RFC2: variants seen among roughly 807,000 people sequenced by gnomAD.
The protein encoded by RFC2 is replication factor C subunit 2.
A neutral mutation model predicts 44.8 loss-of-function variants in RFC2; 34 were observed. The ratio of observed to expected loss-of-function variants is 0.76; its 90% CI spans 0.58 to 1.01. The LOEUF (loss-of-function observed/expected upper bound fraction) is 1.01. Ranked by LOEUF, RFC2 falls within the 50% of genes least tolerant of loss-of-function variation. RFC2 has a pLI of 0.00. For synonymous variants in RFC2, 177 were observed against 168.9 expected (o/e 1.05, Z -0.37); for missense variants, 400 against 453.6 (o/e 0.88, Z 1.07).
intron 2 of RFC2, among the ~76,000 whole-genome samples, chr7:74,250,001 A>G (rs1223424470): frequency 1.3e-5 from 2 of 151,754 alleles, no homozygotes; most frequent in Non-Finnish European, 2.9e-5. Flanking sequence ...AAAATAAACA[A>G]AATTAGCCAG....
chr7:74,237,212 C>G, intron 9 of RFC2, 150 bp downstream of exon 9: 1 of 588,360 alleles, frequency 1.7e-6, no homozygotes, highest in Non-Finnish European at 3.2e-6. Context: ...CTCCAAGGCT[C>G]AACAAATCCT....
At chr7:74,249,619 C>T in intron 3 of RFC2, 120 bp downstream of exon 3, 1 of 824,046 alleles carries the variant, frequency 1.2e-6, no homozygotes, top group East Asian at 2.5e-5. Flanking sequence ...AAACACTTCC[C>T]TTTGCCGGGG....
At chr7:74,243,052 C>A (rs1803424709) in intron 6 of RFC2, 94 bp downstream of exon 6, 2 of 816,828 alleles carry the variant, frequency 2.4e-6, no homozygotes, top group African/African-American at 1.7e-5. Flanking sequence ...CCACTGCACT[C>A]CAGCCTGAGC....
chr7:74,250,908 C>A (rs1213361951), intron 2 of RFC2, among the ~76,000 whole-genome samples: 1 of 152,180 alleles, frequency 6.6e-6, no homozygotes, highest in Non-Finnish European at 1.5e-5. Context: ...CCTGCCTCAG[C>A]CTCCTGAGTA....
At chr7:74,243,821 A>C (rs1584255898) in intron 5 of RFC2, among the ~76,000 whole-genome samples, 1 of 151,308 alleles carries the variant, frequency 6.6e-6, no homozygotes, top group East Asian at 2.0e-4. Context: ...AAATACAAAA[A>C]AGCCTGTTTA....
Position 74,244,105 on chromosome 7 carries a change from A to C in RFC2, c.435-859T>G, listed in dbSNP as rs1270002193. On this transcript the variant is annotated intron_variant, in intron 5 of 10. Coordinates refer to ENST00000055077, the MANE Select transcript of RFC2 (RefSeq NM_181471.3). ...AACTCTACTAAAAATACAAAAAAAA[A>C]AAAAAAAAAAAAATTGTCTGGGCGT... Among the ~76,000 whole-genome samples, 6 of 149,504 alleles carry C rather than the reference A, an allele frequency of 4.0e-5. No homozygotes were observed. In the East Asian group the frequency reaches 1.2e-3, roughly 30 times the overall value.
intron 1 of RFC2, among the ~76,000 whole-genome samples, chr7:74,253,163 G>A (rs1188452277): frequency 1.3e-5 from 2 of 152,010 alleles, no homozygotes; most frequent in Non-Finnish European, 2.9e-5. Context: ...ACATCATTTG[G>A]TGTGACAACA....
rs782541319 is a variant in RFC2, at chr7:74,238,994, C to T, written c.694-6G>A. On this transcript the variant is annotated splice_polypyrimidine_tract_variant and splice_region_variant and intron_variant, in intron 7 of 10. Transcript: ENST00000055077. This position sits in a 1 kb window ranked among gnomAD's most constrained non-coding sequence, Gnocchi z 4.0. Reference sequence around the variant, plus strand: ...GACTGCAGGTTGTTCAGCGCCTGTTCAGGAGCAAACACATGTCAAGGATGA... The same window carrying T: ...GACTGCAGGTTGTTCAGCGCCTGTTTAGGAGCAAACACATGTCAAGGATGA... 3.1e-6 allele frequency: 5 copies of T among 1,611,052 alleles called. No individual in the cohort carries two copies. Among genetic ancestry groups the T allele is most frequent in the Non-Finnish European group, 4.2e-6 (5 of 1,177,432 alleles).
In RFC2 at chr7:74,243,176, G is replaced by A; in HGVS notation, c.505C>T (p.Leu169Phe). ...EIYSKTTRFA[L>F]ACNASDKIIE... ...ATCTTATCCGAAGCATTACAAGCAA[G>A]GGCGAAGCGAGTGGTTTTAGAGTAG... Residue 169 changes from leucine to phenylalanine, a missense_variant, in exon 6 of 11, where the codon CTT becomes TTT. Leu to Phe is a conservative substitution (Grantham distance 22, BLOSUM62 0). Transcript: ENST00000055077. 3 of 1,613,684 alleles carry A rather than the reference G, an allele frequency of 1.9e-6. No individual in the cohort carries two copies. Among genetic ancestry groups the A allele is most frequent in the Non-Finnish European group, 2.5e-6 (3 of 1,179,622 alleles).
intron 1 of RFC2, chr7:74,253,733 T>G (rs1584271123): frequency 1.3e-5 from 2 of 153,544 alleles, no homozygotes; most frequent in Admixed American, 1.3e-4. Context: ...AAAAAAAAAT[T>G]AACTGGGCAT....
chr7:74,252,416 A>AG lies in RFC2; in HGVS notation c.183+12_183+13insC, dbSNP rs1353512737. 2 of 1,537,948 alleles carry AG rather than the reference A, an allele frequency of 1.3e-6. No individual in the cohort carries two copies. Among genetic ancestry groups the AG allele is most frequent in the East Asian group, 2.2e-5 (1 of 44,476 alleles). On this transcript the variant is annotated intron_variant, in intron 2 of 10. Coordinates refer to ENST00000055077, the MANE Select transcript of RFC2 (RefSeq NM_181471.3). The stretch of plus-strand genomic sequence containing the variant: ...AGCGAGACTCTGTCTCAAAAAAAAA[A>AG]AAAGCCACTCACCTCTAGCCTGCTC...
chr7:74,244,946 T>G (rs1050300697), intron 5 of RFC2, among the ~76,000 whole-genome samples: 1 of 151,920 alleles, frequency 6.6e-6, no homozygotes, highest in African/African-American at 2.4e-5. Context: ...CTGAGTGATA[T>G]AGTGAGACCC....
At chr7:74,245,034 T>C (rs1803521657) in intron 5 of RFC2, among the ~76,000 whole-genome samples, 1 of 151,760 alleles carries the variant, frequency 6.6e-6, no homozygotes, top group Non-Finnish European at 1.5e-5. Flanking sequence ...TTTCAATTTT[T>C]TTTTTTTTTT....
At chr7:74,232,980 T>A (rs1802809499) in intron 10 of RFC2, among the ~76,000 whole-genome samples, 1 of 152,022 alleles carries the variant, frequency 6.6e-6, no homozygotes, top group Non-Finnish European at 1.5e-5. Flanking sequence ...TCTGGGAGGC[T>A]GAGGCAGGAG....
chr7:74,246,960 CAAAGA>C (rs1803649080), intron 4 of RFC2, among the ~76,000 whole-genome samples, 197 bp from the exon 5 acceptor site: 1 of 149,202 alleles, frequency 6.7e-6, no homozygotes, highest in African/African-American at 2.5e-5. Context: ...TTTCAAAGAA[CAAAGA>C]AAATATACAC....
chr7:74,238,959 T>C lies in RFC2; in HGVS notation c.723A>G (p.Ser241=). 6.2e-7 allele frequency: 1 copy of C among 1,613,890 alleles called. No individual in the cohort carries two copies. Among genetic ancestry groups the C allele is most frequent in the East Asian group, 2.2e-5 (1 of 44,874 alleles). ...QALNNLQSTF[S]GFGFINSENV... ...TCTCACTGTTAATGAAGCCAAATCC[T>C]GAGAAGGTGGACTGCAGGTTGTTCA... The change falls in exon 8 of 11, where the codon TCA becomes TCG. Residue 241 remains serine, a synonymous_variant. Coordinates refer to ENST00000055077, the MANE Select transcript of RFC2 (RefSeq NM_181471.3). The surrounding 1 kb of genome is among the most constrained non-coding windows in gnomAD (Gnocchi z 4.0).
intron 6 of RFC2, among the ~76,000 whole-genome samples, chr7:74,241,331 T>G (rs891542890): frequency 6.6e-6 from 1 of 152,228 alleles, no homozygotes. Context: ...ACTAGCATGG[T>G]GCCTGGCGGC....
At chr7:74,243,013 GT>G in intron 6 of RFC2, 132 bp downstream of exon 6, 6 of 616,512 alleles carry the variant, frequency 9.7e-6, no homozygotes, top group Middle Eastern at 4.6e-4. Context: ...GAGCACAGGA[GT>G]TTGAGGCTGC....
chr7:74,234,466 AAATC>A (rs1434838806), intron 10 of RFC2, among the ~76,000 whole-genome samples: 4 of 152,144 alleles, frequency 2.6e-5, no homozygotes, highest in East Asian at 3.8e-4. Context: ...TAACCTTGAA[AAATC>A]AATCAATCAG....
Sources: allele counts gnomAD v4.1 joint callset (sites outside exome capture counted in the v4.1 genomes callset), GRCh38; gene constraint gnomAD v4.1.1; non-coding constraint Gnocchi (gnomAD v3.1); transcripts MANE v1.5; gene names NCBI Gene and HGNC (gene_info 2026-07-23, HGNC 2026-07-21).